The following RS1 variants were observed in gnomAD, a reference collection of about 807,000 sequenced individuals.
RS1 encodes retinoschisin 1, also known as retinoschisin.
In RS1, 2 loss-of-function variants were observed where a neutral mutation model predicts 20.8. The observed-to-expected ratio is 0.10, with a 90% CI of 0.04 to 0.30. The LOEUF (loss-of-function observed/expected upper bound fraction) is 0.30, where lower values mean the gene tolerates loss of function less well. Ranked by LOEUF, RS1 falls within the 10% of genes least tolerant of loss-of-function variation. The probability of loss-of-function intolerance (pLI) is 1.00; values close to 1 mark genes in which losing one functional copy is unlikely to be tolerated. For missense variants in RS1, 151 were observed against 189.8 expected, an observed-to-expected ratio of 0.80 and a Z score of 1.20; for synonymous variants, 70 against 75.8, an observed-to-expected ratio of 0.92 and a Z score of 0.40.
Position 18,647,238 on chromosome X carries a change from A to G in RS1, c.279T>C (p.Tyr93=). Residue 93 remains tyrosine, a synonymous_variant, in exon 4 of 6, where the codon TAT becomes TAC. Transcript: ENST00000379984. The stretch of plus-strand genomic sequence containing the variant: ...GGGCCTTGTTTGCAGTCCACGAAGA[A>G]TACCAGCCCACATACTGCTCCGGGT... ...CSNPEQYVGW[Y]SSWTANKARL... 8.3e-7 allele frequency: 1 copy of G among 1,211,056 alleles called. No individual in the cohort carries two copies. Among genetic ancestry groups the G allele is most frequent in the Non-Finnish European group, 1.1e-6 (1 of 895,336 alleles).
At position 18,647,346 on chromosome X, in the gene RS1, A is replaced by C. The variant is rs1406465626; in HGVS notation, c.185-14T>G. On this transcript the variant is annotated splice_polypyrimidine_tract_variant and intron_variant, in intron 3 of 5. Coordinates refer to ENST00000379984, the MANE Select transcript of RS1 (RefSeq NM_000330.4). Reference sequence around the variant, plus strand: ...GATATGGGCATTCTGGGAAAGGAAAAAGAATTCACATTCACACATATCTCA... The same window carrying C: ...GATATGGGCATTCTGGGAAAGGAAACAGAATTCACATTCACACATATCTCA... The C allele has an allele frequency of 5.8e-6, 7 of 1,206,536 alleles. No individual in the cohort carries two copies. The highest frequency in any genetic ancestry group is 7.8e-6 in the Non-Finnish European group (7 of 893,050).
At chrX:18,662,098 A>G (rs930681238) in intron 1 of RS1, among the ~76,000 whole-genome samples, 1 of 112,271 alleles carries the variant, frequency 8.9e-6, no homozygotes, top group African/African-American at 3.2e-5. Context: ...GGTGCCAGGG[A>G]TGAAGCAGGA....
intron 4 of RS1, among the ~76,000 whole-genome samples, chrX:18,645,661 C>G (rs1927742430): frequency 1.8e-5 from 2 of 111,403 alleles, no homozygotes; most frequent in South Asian, 7.6e-4. Flanking sequence ...ACCTCAACTA[C>G]TCTCCCTGGA....
chrX:18,661,784 C>T (rs1406186870), intron 1 of RS1, among the ~76,000 whole-genome samples: 2 of 112,268 alleles, frequency 1.8e-5, no homozygotes, highest in Non-Finnish European at 3.8e-5. Flanking sequence ...CCGGCGCACT[C>T]CTCTCAACGC....
chrX:18,642,400 TAATTAA>T (rs1927617202), intron 5 of RS1, among the ~76,000 whole-genome samples: 1 of 111,808 alleles, frequency 8.9e-6, no homozygotes, highest in African/African-American at 3.3e-5. Context: ...ACACTTCAAT[TAATTAA>T]AATTAGATAA....
At chrX:18,654,139 TTCTC>T (rs1397819324) in intron 3 of RS1, among the ~76,000 whole-genome samples, 13 of 104,577 alleles carry the variant, frequency 1.2e-4, no homozygotes, top group South Asian at 9.0e-4. Flanking sequence ...CACATGACTC[TTCTC>T]TCTCTCTTTT....
chrX:18,650,457 G>A lies in RS1; in HGVS notation c.185-3125C>T, dbSNP rs774335258. ...CCCAAAGAAGCCTCACACTCCGTGC[G>A]TCCCAAACCGAGCCCTTCATCGTCC... On this transcript the variant is annotated intron_variant, in intron 3 of 5. Coordinates refer to ENST00000379984, the MANE Select transcript of RS1 (RefSeq NM_000330.4). 2.8e-5 allele frequency: 34 copies of A among 1,210,200 alleles called. No homozygotes were observed. Among genetic ancestry groups the A allele is most frequent in the East Asian group, 8.9e-5 (3 of 33,754 alleles).
In RS1 at chrX:18,641,986, G is replaced by A; in HGVS notation, c.*18C>T. The A allele has an allele frequency of 8.3e-7, 1 of 1,209,879 alleles. No homozygotes were observed. The highest frequency in any genetic ancestry group is 1.1e-6 in the Non-Finnish European group (1 of 895,025). On this transcript the variant is annotated 3_prime_UTR_variant, in exon 6 of 6. Coordinates refer to ENST00000379984, the MANE Select transcript of RS1 (RefSeq NM_000330.4). ...CTGTGCCAGTCACCCCCTGGCAGGC[G>A]CCGAGCTGAGGCAGGCATCAGGCAC...
In RS1 at chrX:18,647,223, T is replaced by A; in HGVS notation, c.294A>T (p.Ala98=). 8.3e-7 allele frequency: 1 copy of A among 1,211,315 alleles called. No individual in the cohort carries two copies. Among genetic ancestry groups the A allele is most frequent in the Non-Finnish European group, 1.1e-6 (1 of 895,469 alleles). The stretch of plus-strand genomic sequence containing the variant: ...CTTGACTGTTGAGCCGGGCCTTGTT[T>A]GCAGTCCACGAAGAATACCAGCCCA... ...QYVGWYSSWT[A]NKARLNSQGF... Residue 98 remains alanine (A), a synonymous_variant, in exon 4 of 6, where the codon GCA becomes GCT. Transcript: ENST00000379984.
intron 3 of RS1, among the ~76,000 whole-genome samples, chrX:18,651,264 T>TGTGTGTGTGTGTGTGTGTGAGAGA (rs1491242962): frequency 5.8e-5 from 4 of 69,012 alleles, no homozygotes; most frequent in African/African-American, 2.5e-4. Flanking sequence ...TGTGTGTGTG[T>TGTGTGTGTGTGTGTGTGTGAGAGA]GAGAGAGAGA....
intron 5 of RS1, among the ~76,000 whole-genome samples, chrX:18,643,742 G>A (rs900944160): frequency 9.0e-6 from 1 of 110,923 alleles, no homozygotes; most frequent in Admixed American, 9.6e-5. Context: ...GTTGAAATTA[G>A]CCTGGGGAAC....
At chrX:18,658,375 C>T (rs768744918) in intron 1 of RS1, among the ~76,000 whole-genome samples, 11 of 111,512 alleles carry the variant, frequency 9.9e-5, no homozygotes, top group Non-Finnish European at 2.1e-4. Flanking sequence ...TATTTGAGAA[C>T]TTGCTATCTA....
intron 4 of RS1, among the ~76,000 whole-genome samples, chrX:18,646,677 G>C (rs189858326): frequency 9.0e-6 from 1 of 111,171 alleles, no homozygotes; most frequent in Admixed American, 9.5e-5. Context: ...TGTGCTTCAG[G>C]CTTGCTGCCC....
intron 3 of RS1, among the ~76,000 whole-genome samples, chrX:18,654,840 C>G (rs1928183670): frequency 9.0e-6 from 1 of 111,528 alleles, no homozygotes; most frequent in Non-Finnish European, 1.9e-5. Flanking sequence ...ACCATTGTAC[C>G]CTACCCTCCC....
At chrX:18,661,491 T>C (rs918496932) in intron 1 of RS1, among the ~76,000 whole-genome samples, 1 of 111,950 alleles carries the variant, frequency 8.9e-6, no homozygotes, top group African/African-American at 3.2e-5. Flanking sequence ...CCCATTAGAC[T>C]CGTCTCCCTG....
intron 3 of RS1, chrX:18,649,986 G>A (rs6629284): frequency 0.16 from 30,702 of 193,857 alleles, 2,124 homozygotes; most frequent in East Asian, 0.39. Context: ...ACCCGCCGCC[G>A]CCGCCCCGCT....
At chrX:18,657,121 T>C (rs1006325536) in intron 2 of RS1, among the ~76,000 whole-genome samples, 5 of 110,151 alleles carry the variant, frequency 4.5e-5, no homozygotes, top group African/African-American at 6.6e-5. Context: ...TGCCATCTGA[T>C]TGAAGACCTG....
chrX:18,667,188 C>T (rs1351513250), intron 1 of RS1, among the ~76,000 whole-genome samples: 1 of 111,453 alleles, frequency 9.0e-6, no homozygotes. Flanking sequence ...CTGTCCCATC[C>T]CCACCCTCAA....
rs184566309 is a variant in RS1 at position 18,666,221 on chromosome X, G to A, written c.52+5796C>T. On this transcript the variant is annotated intron_variant, in intron 1 of 5. Coordinates refer to ENST00000379984, the MANE Select transcript of RS1 (RefSeq NM_000330.4). Reference sequence around the variant, plus strand: ...AATGAAGAAAGAGAATAGATAGTATGGAAAATTACGGTGACTGCTGTGGAG... The same window carrying A: ...AATGAAGAAAGAGAATAGATAGTATAGAAAATTACGGTGACTGCTGTGGAG... Among the ~76,000 whole-genome samples the A allele has an allele frequency of 3.3e-3, 365 of 111,774 alleles. 2 individuals carry two copies. Among genetic ancestry groups the A allele is most frequent in the Middle Eastern group, 0.023 (5 of 218 alleles).
Sources: allele counts gnomAD v4.1 joint callset (sites outside exome capture counted in the v4.1 genomes callset), GRCh38; gene constraint gnomAD v4.1.1; transcripts MANE v1.5; gene names NCBI Gene and HGNC (gene_info 2026-07-23, HGNC 2026-07-21).